Variants in ANKRD16 observed in about 807,000 individuals in gnomAD.
ANKRD16 encodes ankyrin repeat domain-containing protein 16.
A neutral mutation model predicts 37.9 loss-of-function variants in ANKRD16; 35 were observed. The observed-to-expected ratio is 0.92, with a 90% CI of 0.71 to 1.23. The LOEUF is 1.23. ANKRD16 is among the 50% of genes most tolerant of loss of function. The pLI is 0.00. For missense variants in ANKRD16, 480 were observed against 469.9 expected, an observed-to-expected ratio of 1.02 and a Z score of -0.20; for synonymous variants, 206 against 197.2, an observed-to-expected ratio of 1.04 and a Z score of -0.37.
chr10:5,881,438 T>TA (rs1554796686), intron 5 of ANKRD16, among the ~76,000 whole-genome samples: 2 of 51,026 alleles, frequency 3.9e-5, no homozygotes, highest in African/African-American at 7.4e-5. Flanking sequence ...AAAATATTAT[T>TA]TATATATATA....
At position 5,868,096 on chromosome 10, in the gene ANKRD16, C is replaced by T. The variant is rs1217260574; in HGVS notation, c.*34-5405G>A. On this transcript the variant is annotated intron_variant, in intron 7 of 7. Coordinates refer to ENST00000380094, the MANE Select transcript of ANKRD16 (RefSeq NM_019046.3). This position sits in a 1 kb window ranked among gnomAD's most constrained non-coding sequence, Gnocchi z 4.9. ...CATGACTTCTCCCCTTTCTAGGTCC[C>T]GTGACATCCATCTTGCTATTACTCA... 1.3e-5 allele frequency among the ~76,000 whole-genome samples: 2 copies of T among 152,218 alleles called. No homozygotes were observed. Among genetic ancestry groups the T allele is most frequent in the Non-Finnish European group, 2.9e-5 (2 of 68,040 alleles).
At chr10:5,885,844 C>A in intron 2 of ANKRD16, 79 bp from the exon 3 acceptor site, 1 of 1,419,138 alleles carries the variant, frequency 7.0e-7, no homozygotes. Context: ...GCTTTGCTCT[C>A]TGCCCCGTTC....
At position 5,878,225 on chromosome 10, in the gene ANKRD16, G is replaced by A. The variant is rs1347415178; in HGVS notation, c.991C>T (p.Leu331=). 4 of 1,614,162 alleles carry A rather than the reference G, an allele frequency of 2.5e-6. No individual in the cohort carries two copies. Among genetic ancestry groups the A allele is most frequent in the Non-Finnish European group, 2.5e-6 (3 of 1,180,034 alleles). Residue 331 remains leucine, a synonymous_variant, in exon 7 of 8, where the codon CTG becomes TTG. Transcript: ENST00000380094. This position sits in a 1 kb window ranked among gnomAD's most constrained non-coding sequence, Gnocchi z 5.1. ...ACAKFLLQSG[L]KDSEDITGTL... ...CCCGTGATGTCTTCAGAATCCTTCA[G>A]TCCCGACTGCAGGAGAAACTTGGCA...
At chr10:5,882,497 A>AC (rs1687882788) in intron 5 of ANKRD16, among the ~76,000 whole-genome samples, 1 of 151,998 alleles carries the variant, frequency 6.6e-6, no homozygotes, top group African/African-American at 2.4e-5. Context: ...AAAAAAAAAA[A>AC]CAAAAAATAA....
chr10:5,884,042 C>A lies in ANKRD16; in HGVS notation c.614G>T (p.Gly205Val), dbSNP rs775577887. ...QYEPDYRDNC[G>V]VTALMDAIQC... is the part of the protein sequence containing the mutation. ...GATTGCGTCCATCAAGGCGGTGACGCCACAGTTGTCTCTGTAGTCTGGTTC... is the reference window on the plus strand; with the variant it reads ...GATTGCGTCCATCAAGGCGGTGACGACACAGTTGTCTCTGTAGTCTGGTTC... Residue 205 changes from glycine to valine, a missense_variant, in exon 4 of 8, where the codon GGC becomes GTC. Gly to Val is a moderately radical substitution (Grantham distance 109). Coordinates refer to ENST00000380094, the MANE Select transcript of ANKRD16 (RefSeq NM_019046.3). 1.2e-6 allele frequency: 2 copies of A among 1,614,146 alleles called. No homozygotes were observed. Among genetic ancestry groups the A allele is most frequent in the Non-Finnish European group, 1.7e-6 (2 of 1,180,016 alleles).
In ANKRD16 at chr10:5,889,363, G is replaced by T; in HGVS notation, c.-9C>A. On this transcript the variant is annotated 5_prime_UTR_variant, in exon 1 of 8. Coordinates refer to ENST00000380094, the MANE Select transcript of ANKRD16 (RefSeq NM_019046.3). Reference sequence around the variant, plus strand: ...TCCCCGGGCTGGGCCATCGCCGCGGGTCGGGCCGGGCTGCGCGGGGAGGCG... The same window carrying T: ...TCCCCGGGCTGGGCCATCGCCGCGGTTCGGGCCGGGCTGCGCGGGGAGGCG... The T allele has an allele frequency of 5.8e-6, 7 of 1,213,614 alleles. No homozygotes were observed. Among genetic ancestry groups the T allele is most frequent in the Non-Finnish European group, 7.2e-6 (7 of 978,304 alleles). 75.2% of individuals were successfully genotyped at this position (1,213,614 alleles called of 1,614,324 possible). A position where few individuals can be genotyped will look rare whatever the true frequency, so the allele number is the denominator to read the frequency against.
rs1256246013 is a variant in ANKRD16, at chr10:5,874,597, C to G, written c.*33+3500G>C. On this transcript the variant is annotated intron_variant, in intron 7 of 7. Coordinates refer to ENST00000380094, the MANE Select transcript of ANKRD16 (RefSeq NM_019046.3). The surrounding 1 kb of genome is among the most constrained non-coding windows in gnomAD (Gnocchi z 4.7). Reference sequence around the variant, plus strand: ...ATGACTGACCCCCAGCTTTCCAACACAGGTTGGGTGAGCTGTGATGCCACC... The same window carrying G: ...ATGACTGACCCCCAGCTTTCCAACAGAGGTTGGGTGAGCTGTGATGCCACC... 6.6e-6 allele frequency among the ~76,000 whole-genome samples: 1 copy of G among 152,186 alleles called. No homozygotes were observed. The highest frequency in any genetic ancestry group is 1.5e-5 in the Non-Finnish European group (1 of 68,046).
Position 5,862,157 on chromosome 10 carries a change from C to G in ANKRD16, c.*568G>C, listed in dbSNP as rs112416163. 0.019 allele frequency: 4,134 copies of G among 213,182 alleles called. 179 individuals carry two copies. The highest frequency in any genetic ancestry group is 0.09 in the African/African-American group (3,852 of 42,968). 13.2% of individuals were successfully genotyped at this position (213,182 alleles called of 1,614,324 possible). ...TGACCTCATGATCCTCCCGCCTCGG[C>G]CTCCCAAAGTGCTGGGATTACAGGC... On this transcript the variant is annotated 3_prime_UTR_variant, in exon 8 of 8. Transcript: ENST00000380094. This position sits in a 1 kb window ranked among gnomAD's most constrained non-coding sequence, Gnocchi z 6.5.
Position 5,863,932 on chromosome 10 carries a change from A to G in ANKRD16, c.*34-1241T>C, listed in dbSNP as rs1841978065. On this transcript the variant is annotated intron_variant, in intron 7 of 7. Transcript: ENST00000380094. This position sits in a 1 kb window ranked among gnomAD's most constrained non-coding sequence, Gnocchi z 4.7. ...CCAGATGGGAAACACTCAGGCATCA[A>G]CAGGCTCACCCTTGAAATGCATCTA... Among the ~76,000 whole-genome samples the G allele has an allele frequency of 6.6e-6, 1 of 152,128 alleles. No homozygotes were observed. The highest frequency in any genetic ancestry group is 6.5e-5 in the Admixed American group (1 of 15,274).
At chr10:5,881,442 ATATATATATATATAT>A (rs1441649824) in intron 5 of ANKRD16, among the ~76,000 whole-genome samples, 12 of 108,800 alleles carry the variant, frequency 1.1e-4, no homozygotes, top group African/African-American at 3.8e-4. Flanking sequence ...TATTATTTAT[ATATATATATATATAT>A]ATATATATAT....
At chr10:5,882,774 G>A (rs1187582984) in intron 5 of ANKRD16, 65 of 366,736 alleles carry the variant, frequency 1.8e-4, no homozygotes, top group Non-Finnish European at 9.8e-6. Context: ...GTGAGGGGGA[G>A]GCACTTTATG....
intron 7 of ANKRD16, among the ~76,000 whole-genome samples, chr10:5,872,207 G>T (rs1842100984): frequency 6.6e-6 from 1 of 152,140 alleles, no homozygotes; most frequent in African/African-American, 2.4e-5. Flanking sequence ...GGCCAAGTGT[G>T]GTGGCTCACA....
At chr10:5,872,827 A>C (rs1419110623) in intron 7 of ANKRD16, among the ~76,000 whole-genome samples, 1 of 151,446 alleles carries the variant, frequency 6.6e-6, no homozygotes, top group Non-Finnish European at 1.5e-5. Flanking sequence ...AAGTGCTGGC[A>C]TTACAGGCGT....
intron 5 of ANKRD16, among the ~76,000 whole-genome samples, chr10:5,881,481 T>TATATATATATATATATATATA (rs1842315520): frequency 5.4e-5 from 7 of 129,356 alleles, no homozygotes; most frequent in Admixed American, 8.1e-5. Context: ...TATATATATA[T>TATATATATATATATATATATA]TTGAGATGTA....
At chr10:5,877,119 CT>C (rs78090804) in intron 7 of ANKRD16, among the ~76,000 whole-genome samples, 26,162 of 150,986 alleles carry the variant, frequency 0.17, 2,617 homozygotes, top group African/African-American at 0.28. Flanking sequence ...TTCTTTTTTT[CT>C]TTTTTTTTTT....
chr10:5,869,797 G>A lies in ANKRD16; in HGVS notation c.*34-7106C>T, dbSNP rs1295873813. Reference sequence around the variant, plus strand: ...GGGAGGGGTGGGTGGGTGGGAATCTGCATCTTTAATAGTTTCTAATTTCAA... The same window carrying A: ...GGGAGGGGTGGGTGGGTGGGAATCTACATCTTTAATAGTTTCTAATTTCAA... On this transcript the variant is annotated intron_variant, in intron 7 of 7. Coordinates refer to ENST00000380094, the MANE Select transcript of ANKRD16 (RefSeq NM_019046.3). This position sits in a 1 kb window ranked among gnomAD's most constrained non-coding sequence, Gnocchi z 4.0. Among the ~76,000 whole-genome samples, 1 of 151,818 alleles carries A rather than the reference G, an allele frequency of 6.6e-6. No homozygotes were observed. Among genetic ancestry groups the A allele is most frequent in the Non-Finnish European group, 1.5e-5 (1 of 67,944 alleles).
intron 5 of ANKRD16, 156 bp downstream of exon 5, chr10:5,882,850 G>T: frequency 1.3e-6 from 1 of 788,080 alleles, no homozygotes; most frequent in Non-Finnish European, 1.9e-6. Flanking sequence ...TATTTAAAGA[G>T]ATAAAGCGCT....
At chr10:5,885,465 A>G (rs1221649925) in intron 3 of ANKRD16, among the ~76,000 whole-genome samples, 1 of 152,150 alleles carries the variant, frequency 6.6e-6, no homozygotes, top group Non-Finnish European at 1.5e-5. Context: ...TACAGGCGTG[A>G]GCCACCGAGC....
intron 7 of ANKRD16, among the ~76,000 whole-genome samples, chr10:5,873,252 G>A (rs542436024): frequency 9.9e-5 from 15 of 151,458 alleles, no homozygotes; most frequent in Admixed American, 2.0e-4. Flanking sequence ...GGATGGTCTC[G>A]ATCTCCAGAC....
Sources: allele counts gnomAD v4.1 joint callset (sites outside exome capture counted in the v4.1 genomes callset), GRCh38; gene constraint gnomAD v4.1.1; non-coding constraint Gnocchi (gnomAD v3.1); transcripts MANE v1.5; gene names NCBI Gene and HGNC (gene_info 2026-07-23, HGNC 2026-07-21).